The following KIT variants were observed in gnomAD, a reference collection of about 807,000 sequenced individuals.
The protein encoded by KIT is KIT proto-oncogene, receptor tyrosine kinase, also known as mast/stem cell growth factor receptor Kit.
Under a neutral mutation model 105.7 loss-of-function variants are expected in KIT, and 16 were observed. The ratio of observed to expected loss-of-function variants is 0.15; its 90% CI spans 0.10 to 0.23. The LOEUF is 0.23. KIT is among the 10% of genes least tolerant of loss of function. KIT has a pLI of 1.00. For missense variants in KIT, 858 were observed against 1,213.8 expected, an observed-to-expected ratio of 0.71 and a Z score of 4.36; for synonymous variants, 438 against 441.1, an observed-to-expected ratio of 0.99 and a Z score of 0.09.
At position 54,728,115 on chromosome 4, in the gene KIT, A is replaced by G. The variant is rs1439996385; in HGVS notation, c.1984A>G (p.Ile662Val). Residue 662 changes from isoleucine (I) to valine (V), a missense_variant, in exon 13 of 21, where the codon ATT (isoleucine) becomes GTT (valine). This residue lies in a region of KIT where 158 missense variants were observed against 218.7 expected (regional missense o/e 0.72). Transcript: ENST00000288135. ...NIVNLLGACT[I>V]GGPTLVITEY... ...TGTGAATCTACTTGGAGCCTGCACC[A>G]TTGGAGGTAAAGCCGTGTCCAAGCT... 2 of 1,608,568 alleles carry G rather than the reference A, an allele frequency of 1.2e-6. No individual in the cohort carries two copies. Among genetic ancestry groups the G allele is most frequent in the Non-Finnish European group, 1.7e-6 (2 of 1,174,988 alleles).
chr4:54,695,379 C>T (rs1380663204), intron 1 of KIT, 133 bp from the exon 2 acceptor site: 3 of 893,514 alleles, frequency 3.4e-6, no homozygotes, highest in East Asian at 2.6e-5. Context: ...CTCTTTTCAG[C>T]CATAAATAGC....
At chr4:54,693,460 T>A (rs895700253) in intron 1 of KIT, among the ~76,000 whole-genome samples, 2 of 152,202 alleles carry the variant, frequency 1.3e-5, no homozygotes, top group Non-Finnish European at 2.9e-5. Context: ...TTTTCTTTAA[T>A]GATCTGATCT....
At chr4:54,658,205 A>G in intron 1 of KIT, 124 bp downstream of exon 1, 1 of 976,724 alleles carries the variant, frequency 1.0e-6, no homozygotes, top group Non-Finnish European at 1.6e-6. Context: ...CGTGCGTTCC[A>G]GCCTCCGGGG....
intron 1 of KIT, among the ~76,000 whole-genome samples, chr4:54,678,815 G>A (rs1718703146): frequency 6.6e-6 from 1 of 152,066 alleles, no homozygotes; most frequent in Non-Finnish European, 1.5e-5. Context: ...CAAACTTAAA[G>A]GAAAATTGCA....
Position 54,659,179 on chromosome 4 carries a change from G to A in KIT, c.67+1098G>A, listed in dbSNP as rs558561280. Among the ~76,000 whole-genome samples, 14 of 152,320 alleles carry A rather than the reference G, an allele frequency of 9.2e-5. No homozygotes were observed. The South Asian group carries it at 2.7e-3, about 29-fold the overall frequency. On this transcript the variant is annotated intron_variant, in intron 1 of 20. Coordinates refer to ENST00000288135, the MANE Select transcript of KIT (RefSeq NM_000222.3). ...CTGGGGGTGGGGTGGGAGATGGCGT[G>A]GAACTTTCTGCAAATCCTACTCAGT...
intron 2 of KIT, 157 bp downstream of exon 2, chr4:54,695,938 T>G (rs1221960004): frequency 1.2e-6 from 1 of 810,558 alleles, no homozygotes; most frequent in Non-Finnish European, 2.0e-6. Flanking sequence ...TCTCCCATCT[T>G]TTGATATGAT....
At chr4:54,717,275 A>G (rs1193299578) in intron 7 of KIT, among the ~76,000 whole-genome samples, 6 of 152,196 alleles carry the variant, frequency 3.9e-5, no homozygotes, top group Non-Finnish European at 7.3e-5. Flanking sequence ...GTAGCTCTGA[A>G]CTAAGCTAAA....
At chr4:54,659,896 G>A (rs1717120657) in intron 1 of KIT, among the ~76,000 whole-genome samples, 1 of 152,000 alleles carries the variant, frequency 6.6e-6, no homozygotes, top group African/African-American at 2.4e-5. Flanking sequence ...GGGCAGTGTG[G>A]TGTAACGACA....
intron 1 of KIT, among the ~76,000 whole-genome samples, chr4:54,663,852 A>G (rs1653897816): frequency 6.6e-6 from 1 of 152,136 alleles, no homozygotes; most frequent in South Asian, 2.1e-4. Context: ...CATCTTTTCT[A>G]TTCTCCAGCA....
rs560917598 is a variant in KIT, at chr4:54,664,826, G to A, written c.67+6745G>A. ...TAGTCTCGAACTTATGAGCTCAAGC[G>A]ATCCCCCAGCCTCAGCCTCCCAAAA... On this transcript the variant is annotated intron_variant, in intron 1 of 20. Transcript: ENST00000288135. Among the ~76,000 whole-genome samples the A allele has an allele frequency of 1.4e-3, 210 of 150,674 alleles. 1 individual carries two copies. The highest frequency in any genetic ancestry group is 4.9e-3 in the African/African-American group (203 of 41,072).
chr4:54,698,002 A>G (rs1003008192), intron 2 of KIT, among the ~76,000 whole-genome samples: 6 of 152,216 alleles, frequency 3.9e-5, no homozygotes, highest in Non-Finnish European at 5.9e-5. Flanking sequence ...AGTTTCATCT[A>G]TGAAATGGCA....
intron 7 of KIT, among the ~76,000 whole-genome samples, chr4:54,716,912 T>G (rs959215237): frequency 4.6e-5 from 7 of 152,232 alleles, no homozygotes; most frequent in African/African-American, 1.7e-4. Flanking sequence ...AATTAAGGAA[T>G]AATTTTCAGA....
chr4:54,672,360 T>C (rs78654087), intron 1 of KIT, among the ~76,000 whole-genome samples: 8,022 of 152,208 alleles, frequency 0.053, 311 homozygotes, highest in Non-Finnish European at 0.079. Flanking sequence ...TTCTGCTTTC[T>C]CTTTTTGGTG....
chr4:54,660,086 A>G (rs1357366275), intron 1 of KIT, among the ~76,000 whole-genome samples: 1 of 152,080 alleles, frequency 6.6e-6, no homozygotes, highest in African/African-American at 2.4e-5. Context: ...CAATGTTCTG[A>G]GTGTAGACTC....
rs112230003 is a variant in KIT, at chr4:54,736,634, A to G, written c.2596+25A>G. The G allele has an allele frequency of 2.4e-5, 39 of 1,599,956 alleles. No homozygotes were observed. In the African/African-American group the frequency reaches 3.7e-4, roughly 15 times the overall value. On this transcript the variant is annotated intron_variant, in intron 18 of 20. Transcript: ENST00000288135. ...GGTAAAATGATCCTTGCCAAAGACA[A>G]CTTCATTAGACTCAGAGCATCTTCT...
chr4:54,669,419 C>T lies in KIT; in HGVS notation c.67+11338C>T, dbSNP rs150365518. Among the ~76,000 whole-genome samples the T allele has an allele frequency of 2.1e-4, 32 of 152,350 alleles. No homozygotes were observed. The East Asian group carries it at 4.0e-3, about 19-fold the overall frequency. On this transcript the variant is annotated intron_variant, in intron 1 of 20. Transcript: ENST00000288135. ...GCCTGCGAGTGAGGTGGGTCCCCCA[C>T]GGGGTCTAGTGGCTTTGCGCCATAC...
rs1330251750 is a variant in KIT, at chr4:54,699,683, G to C, written c.673G>C (p.Glu225Gln). The change falls in exon 4 of 21, where the codon GAA becomes CAA. Residue 225 changes from glutamate (E) to glutamine (Q), a missense_variant. By Grantham distance (29) the Glu-to-Gln change is conservative (BLOSUM62 2). Transcript: ENST00000288135. ...GTCCAAAGCAAGCTATCTTCTTAGG[G>C]AAGGGGAAGAATTCACAGTGACGTG... ...SVSKASYLLREGEEFTVTCTI... is the reference protein window; with the variant it reads ...SVSKASYLLRQGEEFTVTCTI... 1 of 1,613,980 alleles carries C rather than the reference G, an allele frequency of 6.2e-7. No homozygotes were observed. The highest frequency in any genetic ancestry group is 2.2e-5 in the East Asian group (1 of 44,864).
Position 54,739,233 on chromosome 4 carries a change from G to A in KIT, c.*676G>A, listed in dbSNP as rs558087775. ...CTCCCTAGCCAGCACTTGTATATAC[G>A]CATCTATAAATTGTCCGTGTTCATA... On this transcript the variant is annotated 3_prime_UTR_variant, in exon 21 of 21. Coordinates refer to ENST00000288135, the MANE Select transcript of KIT (RefSeq NM_000222.3). The A allele has an allele frequency of 4.6e-5, 12 of 261,364 alleles. No individual in the cohort carries two copies. In the South Asian group the frequency reaches 1.2e-3, roughly 26 times the overall value. 16.2% of individuals were successfully genotyped at this position (261,364 alleles called of 1,614,324 possible).
intron 17 of KIT, among the ~76,000 whole-genome samples, chr4:54,734,840 C>T (rs925628091): frequency 2.0e-5 from 3 of 152,046 alleles, no homozygotes; most frequent in Non-Finnish European, 2.9e-5. Context: ...CTGTTTTCAA[C>T]GCCTATGATG....
Sources: allele counts gnomAD v4.1 joint callset (sites outside exome capture counted in the v4.1 genomes callset), GRCh38; gene constraint gnomAD v4.1.1; regional missense constraint gnomAD v4.1.1; transcripts MANE v1.5; gene names NCBI Gene and HGNC (gene_info 2026-07-23, HGNC 2026-07-21).